Variants in DIP2C observed in about 807,000 individuals in gnomAD.
The protein encoded by DIP2C is DIP2 acetate--CoA ligase C (putative).
A neutral mutation model predicts 192.4 loss-of-function variants in DIP2C; 33 were observed. The observed-to-expected ratio is 0.17, with a 90% CI of 0.13 to 0.23. The LOEUF (loss-of-function observed/expected upper bound fraction) is 0.23. DIP2C is among the 10% of genes least tolerant of loss of function. The pLI is 1.00. For synonymous variants in DIP2C, 979 were observed against 864.1 expected, an observed-to-expected ratio of 1.13 and a Z score of -2.33; for missense variants, 1,537 against 2,110.1, an observed-to-expected ratio of 0.73 and a Z score of 5.32.
At chr10:557,861 AGGGGCAGGCAGGCAGGCAGGGGGAG>A (rs1450136822) in intron 1 of DIP2C, among the ~76,000 whole-genome samples, 6 of 64,872 alleles carry the variant, frequency 9.2e-5, no homozygotes, top group South Asian at 8.4e-4. Context: ...GGGAGGGGGC[AGGGGCAGGCAGGCAGGCAGGGGGAG>A]GGGGCAGGGG....
chr10:323,687 A>T (rs1162673586), intron 31 of DIP2C, among the ~76,000 whole-genome samples: 1 of 152,238 alleles, frequency 6.6e-6, no homozygotes, highest in Non-Finnish European at 1.5e-5. Flanking sequence ...TGTTATTTAT[A>T]AGCTAAAGTG....
At chr10:287,418 G>T (rs1465180707) in intron 33 of DIP2C, among the ~76,000 whole-genome samples, 2 of 152,150 alleles carry the variant, frequency 1.3e-5, no homozygotes, top group Non-Finnish European at 2.9e-5. Flanking sequence ...TAAAAACACA[G>T]AACGTCTTGG....
chr10:397,261 G>A (rs1024474653), intron 10 of DIP2C, among the ~76,000 whole-genome samples: 1 of 152,202 alleles, frequency 6.6e-6, no homozygotes, highest in African/African-American at 2.4e-5. Flanking sequence ...CAGGCGCAGT[G>A]GCTCACACCT....
chr10:619,541 G>GCCCGCCCGCCCTCCCACCCTCCCA lies in DIP2C; in HGVS notation c.85+69952_85+69953insTGGGAGGGTGGGAGGGCGGGCGGG. Among the ~76,000 whole-genome samples, 121 of 67,960 alleles carry GCCCGCCCGCCCTCCCACCCTCCCA rather than the reference G, an allele frequency of 1.8e-3. 1 individual carries two copies. Among genetic ancestry groups the GCCCGCCCGCCCTCCCACCCTCCCA allele is most frequent in the African/African-American group, 3.8e-3 (110 of 29,020 alleles). 44.6% of individuals were successfully genotyped at this position (67,960 alleles called of 152,430 possible). On this transcript the variant is annotated intron_variant, in intron 1 of 36. Transcript: ENST00000280886. ...GGGCCAGGACCAAGCCCGCCCGCCCGCCCTCCCACCCAGCTCCTCACGCAC... is the reference window on the plus strand; with the variant it reads ...GGGCCAGGACCAAGCCCGCCCGCCCGCCCGCCCGCCCTCCCACCCTCCCACCCTCCCACCCAGCTCCTCACGCAC...
intron 1 of DIP2C, among the ~76,000 whole-genome samples, chr10:566,413 GCCA>G (rs1849470997): frequency 6.6e-6 from 1 of 152,190 alleles, no homozygotes; most frequent in African/African-American, 2.4e-5. Flanking sequence ...CACCAGAGGC[GCCA>G]CCAAACCCTG....
At chr10:348,096 C>T (rs1958607047) in intron 26 of DIP2C, among the ~76,000 whole-genome samples, 1 of 152,232 alleles carries the variant, frequency 6.6e-6, no homozygotes, top group Non-Finnish European at 1.5e-5. Flanking sequence ...GGCCACTGTG[C>T]AGGTCTCCAG....
At chr10:469,412 G>A (rs1970461292) in intron 3 of DIP2C, among the ~76,000 whole-genome samples, 1 of 150,868 alleles carries the variant, frequency 6.6e-6, no homozygotes, top group Non-Finnish European at 1.5e-5. Flanking sequence ...CACCTCCCGG[G>A]TTCAAGAGAT....
chr10:549,463 G>A (rs1158253314), intron 1 of DIP2C, among the ~76,000 whole-genome samples: 4 of 152,196 alleles, frequency 2.6e-5, no homozygotes, highest in Non-Finnish European at 1.5e-5. Flanking sequence ...ACATGAGAAG[G>A]AAGACGAGAC....
chr10:558,195 G>A (rs756087194), intron 1 of DIP2C, among the ~76,000 whole-genome samples: 1 of 152,156 alleles, frequency 6.6e-6, no homozygotes, highest in Non-Finnish European at 1.5e-5. Flanking sequence ...GACAGCATCT[G>A]AGTACTGAGC....
intron 1 of DIP2C, among the ~76,000 whole-genome samples, chr10:539,629 CTG>C (rs920321063): frequency 2.6e-5 from 4 of 152,338 alleles, no homozygotes; most frequent in East Asian, 1.9e-4. Flanking sequence ...TAAGAAATTA[CTG>C]TGTGTCACGT....
At chr10:575,257 T>A (rs1352242113) in intron 1 of DIP2C, among the ~76,000 whole-genome samples, 1 of 152,214 alleles carries the variant, frequency 6.6e-6, no homozygotes. Context: ...AATCTACACA[T>A]AAAACACTGG....
intron 12 of DIP2C, 69 bp from the exon 13 acceptor site, chr10:390,162 T>TTC: frequency 1.9e-6 from 3 of 1,579,558 alleles, no homozygotes; most frequent in Non-Finnish European, 8.7e-7. Flanking sequence ...TTACTTGAGG[T>TTC]TCTCCAAGTC....
intron 1 of DIP2C, among the ~76,000 whole-genome samples, chr10:573,694 G>C (rs1048207534): frequency 1.5e-4 from 22 of 148,570 alleles, no homozygotes; most frequent in African/African-American, 5.7e-4. Flanking sequence ...ACAGGCATGA[G>C]CCATCACGCC....
At chr10:518,215 G>T (rs771908468) in intron 1 of DIP2C, among the ~76,000 whole-genome samples, 1 of 152,244 alleles carries the variant, frequency 6.6e-6, no homozygotes, top group African/African-American at 2.4e-5. Flanking sequence ...CTGCTGACCC[G>T]TCAGTTCCAA....
chr10:349,381 T>C lies in DIP2C; in HGVS notation c.3059A>G (p.Glu1020Gly), dbSNP rs774296789. Residue 1020 changes from glutamate (E) to glycine (G), a missense_variant, in exon 25 of 37, where the codon GAG (glutamate) becomes GGG (glycine). This residue lies in a region of DIP2C where 677 missense variants were observed against 989.9 expected (regional missense o/e 0.68). Transcript: ENST00000280886. ...GTCGCCGTCCTGAAGGTGGCCCCTC[T>C]CCATCAGCATCACGGCGATCTTCTC... ...RAEKIAVMLM[E>G]RGHLQDGDHV... 1.9e-6 allele frequency: 3 copies of C among 1,611,190 alleles called. No homozygotes were observed. The highest frequency in any genetic ancestry group is 1.3e-5 in the African/African-American group (1 of 74,924).
chr10:644,877 A>T (rs1169650611), intron 1 of DIP2C, among the ~76,000 whole-genome samples: 2 of 152,272 alleles, frequency 1.3e-5, no homozygotes, highest in Non-Finnish European at 2.9e-5. Context: ...TCTGTGAAAC[A>T]AGAACAAAAG....
intron 1 of DIP2C, among the ~76,000 whole-genome samples, chr10:570,445 G>C (rs1849716230): frequency 6.6e-6 from 1 of 152,168 alleles, no homozygotes; most frequent in Non-Finnish European, 1.5e-5. Context: ...TCCTGGGTCT[G>C]CATGAATTGC....
At chr10:503,740 A>G (rs1845406398) in intron 1 of DIP2C, among the ~76,000 whole-genome samples, 1 of 152,170 alleles carries the variant, frequency 6.6e-6, no homozygotes, top group African/African-American at 2.4e-5. Context: ...CTATATGCAC[A>G]CTGAGGTCTG....
intron 1 of DIP2C, among the ~76,000 whole-genome samples, chr10:581,339 G>A (rs61832960): frequency 0.038 from 5,838 of 152,204 alleles, 218 homozygotes; most frequent in African/African-American, 0.098. Flanking sequence ...TCAAACAGTG[G>A]CCACTGTTGA....
Sources: allele counts gnomAD v4.1 joint callset (sites outside exome capture counted in the v4.1 genomes callset), GRCh38; gene constraint gnomAD v4.1.1; regional missense constraint gnomAD v4.1.1; transcripts MANE v1.5; gene names NCBI Gene and HGNC (gene_info 2026-07-23, HGNC 2026-07-21).